Variants in GUCY1B1 observed in about 807,000 individuals in gnomAD.
GUCY1B1 encodes guanylate cyclase 1 soluble subunit beta 1, also known as guanylate cyclase soluble subunit beta-1.
Under a neutral mutation model 71.0 loss-of-function variants are expected in GUCY1B1, and 43 were observed. The observed-to-expected ratio is 0.61, with a 90% CI of 0.47 to 0.78. The LOEUF (loss-of-function observed/expected upper bound fraction) is 0.78, where lower values mean the gene tolerates loss of function less well. Among genes scored for constraint, GUCY1B1 ranks in the 30% least tolerant of loss-of-function variants. The pLI, the probability that GUCY1B1 is intolerant of heterozygous loss-of-function variation, is 0.00. For synonymous variants in GUCY1B1, 266 were observed against 259.7 expected (o/e 1.02, Z -0.23); for missense variants, 535 against 754.1 (o/e 0.71, Z 3.40).
intron 2 of GUCY1B1, among the ~76,000 whole-genome samples, chr4:155,763,086 C>A (rs1482417052): frequency 6.6e-6 from 1 of 152,092 alleles, no homozygotes; most frequent in Non-Finnish European, 1.5e-5. Flanking sequence ...TAGAAAAGCA[C>A]CTAAATACTT....
At chr4:155,761,565 G>T (rs1737001312) in intron 2 of GUCY1B1, among the ~76,000 whole-genome samples, 1 of 152,118 alleles carries the variant, frequency 6.6e-6, no homozygotes, top group Non-Finnish European at 1.5e-5. Context: ...ATACAGAGAT[G>T]AAAAATAATA....
chr4:155,762,348 A>C (rs762519991), intron 2 of GUCY1B1, among the ~76,000 whole-genome samples: 2 of 152,142 alleles, frequency 1.3e-5, no homozygotes, highest in Non-Finnish European at 2.9e-5. Flanking sequence ...TTTTTGTCTC[A>C]GTAAGTACCA....
intron 6 of GUCY1B1, among the ~76,000 whole-genome samples, chr4:155,794,346 GA>G (rs915866666): frequency 3.3e-5 from 5 of 151,550 alleles, no homozygotes; most frequent in African/African-American, 1.2e-4. Context: ...TTGTTACAGT[GA>G]AAAAAAATGG....
At chr4:155,763,676 G>A (rs1737150861) in intron 2 of GUCY1B1, among the ~76,000 whole-genome samples, 1 of 152,106 alleles carries the variant, frequency 6.6e-6, no homozygotes, top group Admixed American at 6.5e-5. Context: ...AAATTAATGT[G>A]TCTTGTTAAA....
In GUCY1B1 at chr4:155,795,329, T is replaced by C. The variant is rs866665838; in HGVS notation, c.727-12T>C. On this transcript the variant is annotated splice_polypyrimidine_tract_variant and intron_variant, in intron 6 of 13. Transcript: ENST00000264424. ...CTGATGTGATACTCTTTGCTCTCTA[T>C]CTATATTTTAGCTCCAGCCTGGGAA... 5 of 1,399,844 alleles carry C rather than the reference T, an allele frequency of 3.6e-6. No homozygotes were observed. In the Middle Eastern group the frequency reaches 8.9e-4, roughly 250 times the overall value. The allele number at this position is 1,399,844 out of a possible 1,614,324, so 86.7% of individuals were successfully genotyped here. A position where few individuals can be genotyped will look rare whatever the true frequency, so the allele number is the denominator to read the frequency against.
intron 2 of GUCY1B1, among the ~76,000 whole-genome samples, chr4:155,761,074 G>C (rs1736968165): frequency 6.6e-6 from 1 of 152,012 alleles, no homozygotes; most frequent in Admixed American, 6.5e-5. Context: ...TTTCTTTCAT[G>C]TTTCAGAAAC....
In GUCY1B1 at chr4:155,806,621, A is replaced by G. The variant is rs568061259; in HGVS notation, c.*212A>G. 4.9e-4 allele frequency: 220 copies of G among 448,204 alleles called. 2 individuals carry two copies. The South Asian group carries it at 6.6e-3, about 13-fold the overall frequency. The allele number at this position is 448,204 out of a possible 1,614,324, so 27.8% of individuals were successfully genotyped here. A position where few individuals can be genotyped will look rare whatever the true frequency, so the allele number is the denominator to read the frequency against. On this transcript the variant is annotated 3_prime_UTR_variant, in exon 14 of 14. Coordinates refer to ENST00000264424, the MANE Select transcript of GUCY1B1 (RefSeq NM_000857.5). ...CTTTTTAGGCTTTAGTATATTATCT[A>G]AAGTTTGGCTTTTGATGTGGATGAT...
chr4:155,777,265 A>C (rs1170677125), intron 3 of GUCY1B1, among the ~76,000 whole-genome samples: 1 of 152,216 alleles, frequency 6.6e-6, no homozygotes. Context: ...GGTATGCTCC[A>C]CTTATAATTT....
chr4:155,777,974 ATG>A (rs1163238443), intron 4 of GUCY1B1, among the ~76,000 whole-genome samples: 18 of 152,166 alleles, frequency 1.2e-4, no homozygotes, highest in Admixed American at 5.2e-4. Flanking sequence ...TTGTGGTTTT[ATG>A]TGTTAGACAT....
At chr4:155,763,333 A>T (rs6536092) in intron 2 of GUCY1B1, among the ~76,000 whole-genome samples, 1 of 152,070 alleles carries the variant, frequency 6.6e-6, no homozygotes. Context: ...GCACCACCAC[A>T]CCCAGCCCAA....
chr4:155,795,526 A>C, intron 7 of GUCY1B1, 69 bp downstream of exon 7: 2 of 734,728 alleles, frequency 2.7e-6, no homozygotes, highest in South Asian at 3.3e-5. Flanking sequence ...CAGGGGGGAA[A>C]ATTATCACAT....
intron 2 of GUCY1B1, among the ~76,000 whole-genome samples, chr4:155,769,695 T>C (rs1459849): frequency 0.017 from 2,581 of 152,276 alleles, 30 homozygotes; most frequent in Non-Finnish European, 0.027. Context: ...ACTTAGAGTT[T>C]ATATGATATT....
chr4:155,780,107 T>A (rs1294259273), intron 4 of GUCY1B1, among the ~76,000 whole-genome samples: 1 of 152,192 alleles, frequency 6.6e-6, no homozygotes, highest in Non-Finnish European at 1.5e-5. Context: ...ATGTCTCTCG[T>A]CGTATCGTTT....
At chr4:155,769,717 A>G (rs1163505348) in intron 2 of GUCY1B1, among the ~76,000 whole-genome samples, 1 of 152,180 alleles carries the variant, frequency 6.6e-6, no homozygotes, top group African/African-American at 2.4e-5. Flanking sequence ...TTTGTCATCT[A>G]AGAAGCATTG....
intron 8 of GUCY1B1, among the ~76,000 whole-genome samples, chr4:155,796,989 C>T (rs1739599107): frequency 6.6e-6 from 1 of 152,028 alleles, no homozygotes; most frequent in South Asian, 2.1e-4. Flanking sequence ...TACTCTAATC[C>T]AAATACACTG....
chr4:155,782,168 C>T (rs1738474062), intron 4 of GUCY1B1, among the ~76,000 whole-genome samples: 1 of 152,110 alleles, frequency 6.6e-6, no homozygotes, highest in African/African-American at 2.4e-5. Flanking sequence ...CTCCGCCTCC[C>T]GGGTTCACGC....
chr4:155,775,135 A>C, intron 3 of GUCY1B1, 67 bp downstream of exon 3: 1 of 845,570 alleles, frequency 1.2e-6, no homozygotes, highest in South Asian at 1.3e-5. Context: ...TGCATGGTTC[A>C]AGATCACAAC....
At chr4:155,798,330 C>G (rs1451307759) in intron 8 of GUCY1B1, among the ~76,000 whole-genome samples, 1 of 152,038 alleles carries the variant, frequency 6.6e-6, no homozygotes, top group Non-Finnish European at 1.5e-5. Context: ...ACCACGAGAC[C>G]GTTATGATTT....
chr4:155,788,459 C>T (rs1325309866), intron 4 of GUCY1B1, among the ~76,000 whole-genome samples: 3 of 152,224 alleles, frequency 2.0e-5, no homozygotes, highest in African/African-American at 7.2e-5. Context: ...GGGAAAGCTT[C>T]TTGACTTTTA....
Sources: allele counts gnomAD v4.1 joint callset (sites outside exome capture counted in the v4.1 genomes callset), GRCh38; gene constraint gnomAD v4.1.1; transcripts MANE v1.5; gene names NCBI Gene and HGNC (gene_info 2026-07-23, HGNC 2026-07-21).